FTCDNL1: variants seen among roughly 807,000 people sequenced by gnomAD.
The protein encoded by FTCDNL1 is formiminotransferase cyclodeaminase N-terminal like.
Under a neutral mutation model 5.9 loss-of-function variants are expected in FTCDNL1, and 11 were observed. That is an observed-to-expected ratio of 1.87 (90% CI 1.18 to 3.10). The LOEUF (loss-of-function observed/expected upper bound fraction) is 3.10. FTCDNL1 is among the 30% of genes most tolerant of loss of function. The pLI is 0.00. For synonymous variants in FTCDNL1, 58 were observed against 24.8 expected (o/e 2.34, Z -3.99); for missense variants, 115 against 65.5 (o/e 1.76, Z -2.61).
chr2:199,707,443 C>T, the FTCDNL1 span, among the ~76,000 whole-genome samples: 1 of 152,070 alleles, frequency 6.6e-6, no homozygotes, highest in South Asian at 2.1e-4. Context: ...TCATCCAAGG[C>T]ATTGGATTTA....
the FTCDNL1 span, among the ~76,000 whole-genome samples, chr2:199,706,248 AC>A: frequency 6.6e-6 from 1 of 152,032 alleles, no homozygotes; most frequent in East Asian, 1.9e-4. Context: ...GTAAAAATGC[AC>A]CCTCTTTAGG....
the FTCDNL1 span, among the ~76,000 whole-genome samples, chr2:199,673,440 A>G: frequency 6.6e-6 from 1 of 152,104 alleles, no homozygotes; most frequent in Non-Finnish European, 1.5e-5. Context: ...AATCTTCTCA[A>G]TATAATTTCT....
chr2:199,677,913 GA>G, the FTCDNL1 span, among the ~76,000 whole-genome samples: 7 of 152,160 alleles, frequency 4.6e-5, no homozygotes, highest in Non-Finnish European at 1.0e-4. Flanking sequence ...TTCCATTGAG[GA>G]AAATTATTTT....
the FTCDNL1 span, among the ~76,000 whole-genome samples, chr2:199,669,014 C>G: frequency 6.6e-6 from 1 of 152,008 alleles, no homozygotes; most frequent in Non-Finnish European, 1.5e-5. Flanking sequence ...AATCTGTAGT[C>G]TAGTACGTAA....
the FTCDNL1 span, among the ~76,000 whole-genome samples, chr2:199,741,993 A>C: frequency 6.6e-6 from 1 of 152,282 alleles, no homozygotes; most frequent in African/African-American, 2.4e-5. Flanking sequence ...TTCATAAACC[A>C]ATACTTGCCT....
At chr2:199,775,478 A>G (rs1699013637) in intron 3 of FTCDNL1, among the ~76,000 whole-genome samples, 1 of 152,172 alleles carries the variant, frequency 6.6e-6, no homozygotes, top group Non-Finnish European at 1.5e-5. Flanking sequence ...CAACTCCGTT[A>G]AGGCCAGGAG....
intron 3 of FTCDNL1, among the ~76,000 whole-genome samples, chr2:199,797,027 A>T (rs1217968172): frequency 6.6e-6 from 1 of 152,142 alleles, no homozygotes; most frequent in Non-Finnish European, 1.5e-5. Flanking sequence ...ACATAAAAGA[A>T]TCCCCTTTTA....
chr2:199,842,897 C>A (rs935121256), intron 3 of FTCDNL1, among the ~76,000 whole-genome samples: 3 of 145,110 alleles, frequency 2.1e-5, no homozygotes, highest in Non-Finnish European at 4.5e-5. Context: ...TCCTAGAATG[C>A]GAATACTTCT....
At chr2:199,786,863 T>C (rs1424676808) in intron 3 of FTCDNL1, among the ~76,000 whole-genome samples, 1 of 152,218 alleles carries the variant, frequency 6.6e-6, no homozygotes. Context: ...TTCAAAAGTC[T>C]GAAGTGGGTC....
chr2:199,830,627 C>T (rs1158793851), intron 3 of FTCDNL1, among the ~76,000 whole-genome samples: 1 of 152,132 alleles, frequency 6.6e-6, no homozygotes, highest in Admixed American at 6.6e-5. Flanking sequence ...CCATCAAAGC[C>T]GTCTCATTAC....
chr2:199,681,630 C>A, the FTCDNL1 span, among the ~76,000 whole-genome samples: 2 of 152,108 alleles, frequency 1.3e-5, no homozygotes, highest in Non-Finnish European at 2.9e-5. Flanking sequence ...ATGCTCCCTG[C>A]AGTATGTTTC....
the FTCDNL1 span, among the ~76,000 whole-genome samples, chr2:199,668,384 CAGA>C: frequency 3.9e-5 from 6 of 152,208 alleles, 1 homozygote; most frequent in Middle Eastern, 6.8e-3. Context: ...GTCCTATAAT[CAGA>C]AGGTCTTCAG....
chr2:199,773,927 A>G (rs953714298), intron 3 of FTCDNL1, among the ~76,000 whole-genome samples: 1 of 152,198 alleles, frequency 6.6e-6, no homozygotes, highest in Non-Finnish European at 1.5e-5. Flanking sequence ...GCTTACAGAG[A>G]AAGCCTCCAC....
At chr2:199,670,768 G>C in the FTCDNL1 span, among the ~76,000 whole-genome samples, 1 of 152,136 alleles carries the variant, frequency 6.6e-6, no homozygotes, top group Admixed American at 6.6e-5. Context: ...AGAGACACTA[G>C]AGCAGGCTGA....
At chr2:199,749,826 A>G in the FTCDNL1 span, among the ~76,000 whole-genome samples, 3 of 152,136 alleles carry the variant, frequency 2.0e-5, no homozygotes, top group South Asian at 4.1e-4. Context: ...ATGAATGAGC[A>G]TTGTGTGGTT....
downstream of FTCDNL1, among the ~76,000 whole-genome samples, chr2:199,759,071 A>C (rs1698169543): frequency 2.0e-5 from 3 of 152,220 alleles, no homozygotes; most frequent in South Asian, 6.2e-4. Flanking sequence ...CTAAATGTAC[A>C]TTTCTACATG....
the FTCDNL1 span, among the ~76,000 whole-genome samples, chr2:199,751,018 C>G: frequency 4.6e-5 from 7 of 152,146 alleles, no homozygotes; most frequent in African/African-American, 1.7e-4. Context: ...TTCCAAAGAC[C>G]CTCAGTTGGG....
rs3081593 is a variant in FTCDNL1 at position 199,809,899 on chromosome 2, A to AT, written c.*2805dup. 9.6e-4 allele frequency among the ~76,000 whole-genome samples: 140 copies of AT among 146,092 alleles called. No individual in the cohort carries two copies. The highest frequency in any genetic ancestry group is 2.0e-3 in the South Asian group (9 of 4,570). On this transcript the variant is annotated 3_prime_UTR_variant, in exon 5 of 5. Transcript: ENST00000420128. Reference sequence around the variant, plus strand: ...TCATTTTTTAGTCACTTAGTACCTGATTTTTTTTTTTTTTGGTAACCCTCC... The same window carrying AT: ...TCATTTTTTAGTCACTTAGTACCTGATTTTTTTTTTTTTTTGGTAACCCTCC...
the FTCDNL1 span, among the ~76,000 whole-genome samples, chr2:199,678,053 C>T: frequency 1.3e-5 from 2 of 152,230 alleles, no homozygotes; most frequent in Non-Finnish European, 2.9e-5. Flanking sequence ...TGTGAGGTAA[C>T]CATTGAATCG....
Sources: gnomAD v4.1 joint callset for allele counts (sites outside exome capture counted in the v4.1 genomes callset) on GRCh38, gnomAD v4.1.1 for gene constraint, MANE v1.5 for transcripts, NCBI Gene and HGNC (gene_info 2026-07-23, HGNC 2026-07-21) for gene names.